The following ENTPD7 variants were observed in gnomAD, a reference collection of about 807,000 sequenced individuals.
The protein encoded by ENTPD7 is ectonucleoside triphosphate diphosphohydrolase 7.
A neutral mutation model predicts 77.9 loss-of-function variants in ENTPD7; 53 were observed. The ratio of observed to expected loss-of-function variants is 0.68; its 90% confidence interval spans 0.55 to 0.85. ENTPD7 has a LOEUF of 0.85. ENTPD7 is among the 40% of genes least tolerant of loss of function. ENTPD7 has a pLI of 0.00. For missense variants in ENTPD7, 636 were observed against 743.7 expected, an observed-to-expected ratio of 0.86 and a Z score of 1.68; for synonymous variants, 248 against 274.9, an observed-to-expected ratio of 0.90 and a Z score of 0.97.
In ENTPD7 at chr10:99,707,656, A is replaced by T. The variant is rs2036278547; in HGVS notation, c.*2973A>T. The stretch of plus-strand genomic sequence containing the variant: ...CCTGAACTGTTTTAGGACTCTTGTT[A>T]TTACTGAGACAGGTCACAAACATCA... On this transcript the variant is annotated 3_prime_UTR_variant, in exon 13 of 13. Transcript: ENST00000370489. 6.6e-6 allele frequency among the ~76,000 whole-genome samples: 1 copy of T among 152,212 alleles called. No homozygotes were observed. Among genetic ancestry groups the T allele is most frequent in the African/African-American group, 2.4e-5 (1 of 41,440 alleles).
chr10:99,678,958 A>G (rs566121202), intron 3 of ENTPD7, among the ~76,000 whole-genome samples: 1 of 150,992 alleles, frequency 6.6e-6, no homozygotes, highest in African/African-American at 2.4e-5. Flanking sequence ...TTATTTATTC[A>G]GGGCTACAAG....
rs1590072138 is a variant in ENTPD7, at chr10:99,709,056, TTTC to T, written c.*4376_*4378del. The stretch of plus-strand genomic sequence containing the variant: ...CACTACATCTATTCTTGTTCCTGTA[TTTC>T]TTTTCGTACTTTTAAATTTTATACA... On this transcript the variant is annotated 3_prime_UTR_variant, in exon 13 of 13. Coordinates refer to ENST00000370489, the MANE Select transcript of ENTPD7 (RefSeq NM_020354.5). 2.0e-6 allele frequency: 2 copies of T among 982,932 alleles called. No homozygotes were observed. Among genetic ancestry groups the T allele is most frequent in the Non-Finnish European group, 2.4e-6 (2 of 827,622 alleles). The allele number at this position is 982,932 out of a possible 1,614,324, so 60.9% of individuals were successfully genotyped here.
At position 99,704,915 on chromosome 10, in the gene ENTPD7, G is replaced by A. The variant is rs2133531852; in HGVS notation, c.*232G>A. 1.8e-6 allele frequency: 1 copy of A among 547,662 alleles called. No individual in the cohort carries two copies. The highest frequency in any genetic ancestry group is 1.9e-5 in the African/African-American group (1 of 53,036). 33.9% of individuals were successfully genotyped at this position (547,662 alleles called of 1,614,324 possible). ...TGACAGGAGATTGGTGCTAATACGG[G>A]GGACCAAGCTTTGTCCAAGTGAAGC... On this transcript the variant is annotated 3_prime_UTR_variant, in exon 13 of 13. Transcript: ENST00000370489.
chr10:99,700,720 T>C (rs898995338), intron 10 of ENTPD7: 5 of 491,134 alleles, frequency 1.0e-5, no homozygotes, highest in Non-Finnish European at 1.8e-5. Flanking sequence ...TGCTATTTGT[T>C]AGTCCTAACC....
At chr10:99,691,655 T>A in intron 8 of ENTPD7, 137 bp downstream of exon 8, 1 of 881,266 alleles carries the variant, frequency 1.1e-6, no homozygotes, top group Non-Finnish European at 1.7e-6. Flanking sequence ...TTATCTTGAG[T>A]AGGTTACCTC....
intron 5 of ENTPD7, among the ~76,000 whole-genome samples, chr10:99,680,234 G>A (rs140133978): frequency 5.3e-5 from 8 of 152,282 alleles, no homozygotes; most frequent in African/African-American, 1.9e-4. Flanking sequence ...CTGTAACTCT[G>A]CCTAGAACCC....
chr10:99,701,060 TAAGTTACTTCCCTTTCCTCC>T lies in ENTPD7; in HGVS notation c.1421+3_1421+22del, dbSNP rs1161703694. 1 of 1,612,860 alleles carries T rather than the reference TAAGTTACTTCCCTTTCCTCC, an allele frequency of 6.2e-7. No individual in the cohort carries two copies. The highest frequency in any genetic ancestry group is 1.1e-5 in the South Asian group (1 of 91,040). ...ACATGCAGATGAGCATCGACTCAAGTAAGTTACTTCCCTTTCCTCCTTAGATGTGGACTTAAAATCTAGAT... is the reference window on the plus strand; with the variant it reads ...ACATGCAGATGAGCATCGACTCAAGTTTAGATGTGGACTTAAAATCTAGAT... On this transcript the variant is annotated splice_donor_5th_base_variant and intron_variant, in intron 11 of 12. Transcript: ENST00000370489.
chr10:99,669,331 A>G (rs1478782340), intron 3 of ENTPD7, among the ~76,000 whole-genome samples: 2 of 152,184 alleles, frequency 1.3e-5, no homozygotes, highest in African/African-American at 2.4e-5. Flanking sequence ...AGATATTTCA[A>G]TGTGAACTTT....
At chr10:99,689,812 A>C (rs2035858763) in intron 7 of ENTPD7, among the ~76,000 whole-genome samples, 1 of 152,220 alleles carries the variant, frequency 6.6e-6, no homozygotes. Flanking sequence ...CAAAATGGTG[A>C]TATTTCTAAT....
In ENTPD7 at chr10:99,698,621, G is replaced by C. The variant is rs778451819; in HGVS notation, c.1098G>C (p.Arg366Ser). Reference sequence around the variant, plus strand: ...TGGGACTCACAGATGTGGTGGAGAGGAACAGCCAAGTCTTACATGTCCGAG... The same window carrying C: ...TGGGACTCACAGATGTGGTGGAGAGCAACAGCCAAGTCTTACATGTCCGAG... ...LPVGLTDVVERNSQVLHVRGR... is the reference protein window; with the variant it reads ...LPVGLTDVVESNSQVLHVRGR... Residue 366 changes from arginine (R) to serine (S), a missense_variant, in exon 10 of 13, where the codon AGG (arginine) becomes AGC (serine). Physicochemically the swap from Arg to Ser is moderately radical, Grantham distance 110 (BLOSUM62 -1). Around this residue, in one of 3 missense-constraint regions of ENTPD7, gnomAD observed 486 missense variants for 556.5 expected, o/e 0.87. Transcript: ENST00000370489. 6.2e-7 allele frequency: 1 copy of C among 1,614,202 alleles called. No individual in the cohort carries two copies. Among genetic ancestry groups the C allele is most frequent in the South Asian group, 1.1e-5 (1 of 91,090 alleles).
At chr10:99,691,326 G>A in intron 7 of ENTPD7, 59 bp from the exon 8 acceptor site, 13 of 1,562,834 alleles carry the variant, frequency 8.3e-6, no homozygotes, top group Non-Finnish European at 1.1e-5. Context: ...TGTTTTGGGG[G>A]TTTGACTTAA....
Position 99,661,487 on chromosome 10 carries a change from C to G in ENTPD7, c.50C>G (p.Thr17Ser), listed in dbSNP as rs765731958. 6.2e-7 allele frequency: 1 copy of G among 1,612,920 alleles called. No individual in the cohort carries two copies. The stretch of plus-strand genomic sequence containing the variant: ...CTCTGCCCAGCCTCCTGGTACTTCA[C>G]TGTGCCCACAGTGAGTCCATTTCTC... The part of the protein sequence containing the change: ...SYLCPASWYF[T>S]VPTVSPFLRQ... Residue 17 changes from threonine (T) to serine (S), a missense_variant, in exon 3 of 13, where the codon ACT becomes AGT. Thr to Ser is a moderately conservative substitution (Grantham distance 58). This residue lies in a region of ENTPD7 where 486 missense variants were observed against 556.5 expected (regional missense o/e 0.87). Transcript: ENST00000370489.
chr10:99,665,510 TTCATTCATTCA>T (rs2035538194), intron 3 of ENTPD7, among the ~76,000 whole-genome samples: 1 of 152,082 alleles, frequency 6.6e-6, no homozygotes, highest in South Asian at 2.1e-4. Flanking sequence ...TGGTCATTCA[TTCATTCATTCA>T]TCATTCATTC....
intron 5 of ENTPD7, among the ~76,000 whole-genome samples, chr10:99,682,844 A>G (rs2035769875): frequency 6.6e-6 from 1 of 152,224 alleles, no homozygotes; most frequent in African/African-American, 2.4e-5. Context: ...CCAGAGAAAA[A>G]GCTGACCTGG....
chr10:99,661,556 T>G lies in ENTPD7; in HGVS notation c.119T>G (p.Leu40Arg). 6.2e-7 allele frequency: 1 copy of G among 1,613,958 alleles called. No individual in the cohort carries two copies. Among genetic ancestry groups the G allele is most frequent in the African/African-American group, 1.3e-5 (1 of 75,038 alleles). The change falls in exon 3 of 13, where the codon CTC becomes CGC. Residue 40 changes from leucine to arginine, a missense_variant. By Grantham distance (102) the Leu-to-Arg change is moderately radical (BLOSUM62 -2). This residue lies in a region of ENTPD7 where 486 missense variants were observed against 556.5 expected (regional missense o/e 0.87). Transcript: ENST00000370489. The stretch of plus-strand genomic sequence containing the variant: ...CTGGGACTCTTCTTCATATCCTGTC[T>G]CCTTTTACTTATGTTAATCATAGAC... ...AFLGLFFISC[L>R]LLLMLIIDFR...
intron 5 of ENTPD7, 96 bp downstream of exon 5, chr10:99,679,971 C>T: frequency 7.2e-7 from 1 of 1,395,380 alleles, no homozygotes; most frequent in East Asian, 2.3e-5. Context: ...TGGTCTATAC[C>T]CCTAAACCCA....
intron 9 of ENTPD7, chr10:99,697,948 A>G (rs1392699340): frequency 6.4e-6 from 1 of 156,096 alleles, no homozygotes; most frequent in Non-Finnish European, 1.4e-5. Context: ...TGTTACGGCC[A>G]TGGTGGGAAT....
chr10:99,675,440 AACAGCCATTCAAAG>A (rs1429281828), intron 3 of ENTPD7, among the ~76,000 whole-genome samples: 3 of 151,894 alleles, frequency 2.0e-5, no homozygotes, highest in African/African-American at 7.3e-5. Context: ...ATGCTTGGAT[AACAGCCATTCAAAG>A]TGCATGTTAA....
chr10:99,709,636 A>C lies in ENTPD7; in HGVS notation c.*4953A>C, dbSNP rs778853328. ...CTTGGCTCATTCTCTCATAACCTGG[A>C]TCTAAGTTGGAAAGCTGTGGCACCC... On this transcript the variant is annotated 3_prime_UTR_variant, in exon 13 of 13. Coordinates refer to ENST00000370489, the MANE Select transcript of ENTPD7 (RefSeq NM_020354.5). 3 of 985,242 alleles carry C rather than the reference A, an allele frequency of 3.0e-6. No individual in the cohort carries two copies. Among genetic ancestry groups the C allele is most frequent in the Non-Finnish European group, 3.6e-6 (3 of 829,922 alleles). 61.0% of individuals were successfully genotyped at this position (985,242 alleles called of 1,614,324 possible).
Sources: allele counts gnomAD v4.1 joint callset (sites outside exome capture counted in the v4.1 genomes callset), GRCh38; gene constraint gnomAD v4.1.1; regional missense constraint gnomAD v4.1.1; transcripts MANE v1.5; gene names NCBI Gene and HGNC (gene_info 2026-07-23, HGNC 2026-07-21).